The following ZMYM2 variants were observed in gnomAD, a reference collection of about 807,000 sequenced individuals.
The protein encoded by ZMYM2 is zinc finger MYM-type containing 2, also known as zinc finger MYM-type protein 2.
In ZMYM2, 56 loss-of-function variants were observed where a neutral mutation model predicts 162.8. That is an observed-to-expected ratio of 0.34 (90% CI 0.28 to 0.43). ZMYM2 has a LOEUF of 0.43. Among genes scored for constraint, ZMYM2 ranks in the 20% least tolerant of loss-of-function variants. ZMYM2 has a pLI of 1.00. For synonymous variants in ZMYM2, 510 were observed against 541.6 expected, an observed-to-expected ratio of 0.94 and a Z score of 0.81; for missense variants, 1,275 against 1,621.8, an observed-to-expected ratio of 0.79 and a Z score of 3.67.
At chr13:20,065,851 A>G (rs538379578) in intron 19 of ZMYM2, among the ~76,000 whole-genome samples, 5 of 152,210 alleles carry the variant, frequency 3.3e-5, no homozygotes, top group Non-Finnish European at 7.3e-5. Flanking sequence ...TGGGTGACAG[A>G]GCAAGGCCCT....
chr13:19,884,776 C>G, the ZMYM2 span, among the ~76,000 whole-genome samples: 1 of 152,080 alleles, frequency 6.6e-6, no homozygotes, highest in Non-Finnish European at 1.5e-5. Flanking sequence ...AGTGCCGACG[C>G]CCCCAAGACA....
intron 2 of ZMYM2, among the ~76,000 whole-genome samples, chr13:19,975,806 T>A (rs1428307240): frequency 6.6e-6 from 1 of 152,228 alleles, no homozygotes; most frequent in African/African-American, 2.4e-5. Flanking sequence ...AGTTCCAATT[T>A]CTGAAAGTCT....
At chr13:20,031,785 A>G (rs959791218) in intron 10 of ZMYM2, among the ~76,000 whole-genome samples, 10 of 151,500 alleles carry the variant, frequency 6.6e-5, no homozygotes, top group Admixed American at 3.3e-4. Flanking sequence ...GATATTTTCT[A>G]TCACTCAGTA....
chr13:20,020,143 T>G (rs1358181792), intron 7 of ZMYM2, among the ~76,000 whole-genome samples: 1 of 152,170 alleles, frequency 6.6e-6, no homozygotes, highest in East Asian at 1.9e-4. Flanking sequence ...GTATTCAAAT[T>G]TTGTCTGTTA....
In ZMYM2 at chr13:20,046,206, A is replaced by G. The variant is rs546343996; in HGVS notation, c.2293-5227A>G. 2.0e-5 allele frequency among the ~76,000 whole-genome samples: 3 copies of G among 152,138 alleles called. No individual in the cohort carries two copies. In the East Asian group the frequency reaches 5.8e-4, roughly 29 times the overall value. ...GTTCGAGGTGAGCTATGATTACACC[A>G]CTGCACTTAAGCCTGGGTGACAGAG... is the stretch of plus-strand genomic sequence containing the variant. On this transcript the variant is annotated intron_variant, in intron 12 of 24. Transcript: ENST00000610343.
At chr13:19,943,712 C>T in the ZMYM2 span, among the ~76,000 whole-genome samples, 1 of 152,054 alleles carries the variant, frequency 6.6e-6, no homozygotes, top group Non-Finnish European at 1.5e-5. Context: ...ATTTTAGGTA[C>T]GTGTACAACT....
At chr13:20,059,094 G>T (rs774292581) in intron 15 of ZMYM2, among the ~76,000 whole-genome samples, 2 of 151,920 alleles carry the variant, frequency 1.3e-5, no homozygotes, top group African/African-American at 2.4e-5. Flanking sequence ...TATTTTTTAT[G>T]AAATTTACAG....
chr13:20,079,213 G>T (rs1258407067), intron 21 of ZMYM2, among the ~76,000 whole-genome samples: 1 of 150,448 alleles, frequency 6.6e-6, no homozygotes, highest in Non-Finnish European at 1.5e-5. Flanking sequence ...CAGCTACTCG[G>T]GAGGCTGAGG....
chr13:20,021,494 CA>C (rs1952100005), intron 7 of ZMYM2, among the ~76,000 whole-genome samples: 2 of 151,958 alleles, frequency 1.3e-5, no homozygotes, highest in Non-Finnish European at 2.9e-5. Context: ...TTTGTTCTGG[CA>C]TCCTGTCAAA....
At chr13:20,076,524 C>T (rs1242172789) in intron 21 of ZMYM2, among the ~76,000 whole-genome samples, 2 of 150,358 alleles carry the variant, frequency 1.3e-5, no homozygotes, top group South Asian at 2.1e-4. Flanking sequence ...ATTGCCCCAT[C>T]GTTTATCTTT....
chr13:20,031,220 T>C (rs1953099522), intron 9 of ZMYM2, 99 bp from the exon 10 acceptor site: 3 of 778,704 alleles, frequency 3.9e-6, no homozygotes, highest in Non-Finnish European at 6.0e-6. Flanking sequence ...CTAAGCAAGA[T>C]GTATATTACT....
the ZMYM2 span, among the ~76,000 whole-genome samples, chr13:19,950,946 C>T: frequency 6.6e-6 from 1 of 152,172 alleles, no homozygotes; most frequent in Non-Finnish European, 1.5e-5. Context: ...GCATGTAGCC[C>T]AGAATGGCTT....
chr13:20,002,961 A>G lies in ZMYM2; in HGVS notation c.959A>G (p.Gln320Arg). The change falls in exon 4 of 25, where the codon CAA (glutamine) becomes CGA (arginine). Residue 320 changes from glutamine (Q) to arginine (R), a missense_variant. Coordinates refer to ENST00000610343, the MANE Select transcript of ZMYM2 (RefSeq NM_197968.4). Reference sequence around the variant, plus strand: ...AAACAGATTTTCCAGCCGTCTGTCCAACAGCAGCCTACTAAACCAGTTAAA... The same window carrying G: ...AAACAGATTTTCCAGCCGTCTGTCCGACAGCAGCCTACTAAACCAGTTAAA... ...LPKQIFQPSV[Q>R]QQPTKPVKVT... The G allele has an allele frequency of 3.1e-6, 5 of 1,614,200 alleles. No individual in the cohort carries two copies. In the East Asian group the frequency reaches 1.1e-4, roughly 36 times the overall value.
rs139482822 is a variant in ZMYM2, at chr13:20,030,116, A to G, written c.1852-1203A>G. 3.1e-3 allele frequency among the ~76,000 whole-genome samples: 473 copies of G among 152,242 alleles called. 5 individuals carry two copies. The highest frequency in any genetic ancestry group is 0.011 in the African/African-American group (452 of 41,538). ...AGTCTGTAAATTGTTTTAACTTTAAAAAAAAAGGAATAGTAAAATTCCTCT... is the reference window on the plus strand; with the variant it reads ...AGTCTGTAAATTGTTTTAACTTTAAGAAAAAAGGAATAGTAAAATTCCTCT... On this transcript the variant is annotated intron_variant, in intron 9 of 24. Coordinates refer to ENST00000610343, the MANE Select transcript of ZMYM2 (RefSeq NM_197968.4).
At chr13:20,069,675 T>C (rs1469532195) in intron 21 of ZMYM2, among the ~76,000 whole-genome samples, 3 of 152,118 alleles carry the variant, frequency 2.0e-5, no homozygotes, top group Non-Finnish European at 1.5e-5. Context: ...TAGACTCCAA[T>C]TGATAATGTT....
intron 2 of ZMYM2, among the ~76,000 whole-genome samples, chr13:19,979,881 C>T (rs1957156070): frequency 6.6e-6 from 1 of 152,132 alleles, no homozygotes; most frequent in Non-Finnish European, 1.5e-5. Context: ...TAGTTGGTTT[C>T]AATCATTTTT....
chr13:19,955,419 A>C (rs9579744), upstream of ZMYM2, among the ~76,000 whole-genome samples: 13,057 of 152,182 alleles, frequency 0.086, 827 homozygotes, highest in African/African-American at 0.17. Context: ...TCAGAGGCTT[A>C]GAGAAGCTTA....
Position 20,082,773 on chromosome 13 carries a change from T to C in ZMYM2, c.3569-8T>C. 1 of 1,556,148 alleles carries C rather than the reference T, an allele frequency of 6.4e-7. No individual in the cohort carries two copies. The highest frequency in any genetic ancestry group is 8.7e-7 in the Non-Finnish European group (1 of 1,151,642). ...ATAATTCTTTTAAAATAGTTCTCTC[T>C]ATTTAAGGGTCAATATTCTCTCGAG... On this transcript the variant is annotated splice_polypyrimidine_tract_variant and splice_region_variant and intron_variant, in intron 22 of 24. Coordinates refer to ENST00000610343, the MANE Select transcript of ZMYM2 (RefSeq NM_197968.4).
rs370348143 is a variant in ZMYM2, at chr13:20,047,761, TAG to T, written c.2293-3668_2293-3667del. On this transcript the variant is annotated intron_variant, in intron 12 of 24. Coordinates refer to ENST00000610343, the MANE Select transcript of ZMYM2 (RefSeq NM_197968.4). ...TCATGGTTTGCTTCTAGATTTAAAATAGAGATTTATTAAATTCTTTCTCTTCT... is the reference window on the plus strand; with the variant it reads ...TCATGGTTTGCTTCTAGATTTAAAATAGATTTATTAAATTCTTTCTCTTCT... Among the ~76,000 whole-genome samples the T allele has an allele frequency of 1.1e-3, 173 of 152,242 alleles. 1 individual carries two copies. The Middle Eastern group carries it at 0.017, about 15-fold the overall frequency.
Sources: allele counts gnomAD v4.1 joint callset (sites outside exome capture counted in the v4.1 genomes callset), GRCh38; gene constraint gnomAD v4.1.1; transcripts MANE v1.5; gene names NCBI Gene and HGNC (gene_info 2026-07-23, HGNC 2026-07-21).